The following DCC variants were observed in gnomAD, a reference collection of about 807,000 sequenced individuals.
DCC encodes the protein netrin receptor DCC.
In DCC, 58 loss-of-function variants were observed where a neutral mutation model predicts 172.5. The observed-to-expected ratio is 0.34, with a 90% CI of 0.27 to 0.42. The LOEUF (loss-of-function observed/expected upper bound fraction) is 0.42. DCC is among the 10% of genes least tolerant of loss of function. The pLI, the probability that DCC is intolerant of heterozygous loss-of-function variation, is 1.00. For synonymous variants in DCC, 709 were observed against 644.5 expected, an observed-to-expected ratio of 1.10 and a Z score of -1.52; for missense variants, 1,740 against 1,791.0, an observed-to-expected ratio of 0.97 and a Z score of 0.51.
chr18:52,349,747 A>G (rs890213195), intron 1 of DCC, among the ~76,000 whole-genome samples: 2 of 152,188 alleles, frequency 1.3e-5, no homozygotes, highest in African/African-American at 4.8e-5. Context: ...AATTCGAGCT[A>G]TAAATCACTC....
At chr18:52,505,098 G>A (rs1227787811) in intron 1 of DCC, among the ~76,000 whole-genome samples, 1 of 152,116 alleles carries the variant, frequency 6.6e-6, no homozygotes, top group African/African-American at 2.4e-5. Context: ...GAAGGGAGGG[G>A]AAAGATCAGA....
intron 1 of DCC, among the ~76,000 whole-genome samples, chr18:52,393,541 A>G (rs924400961): frequency 4.6e-5 from 7 of 152,064 alleles, no homozygotes; most frequent in Admixed American, 3.3e-4. Context: ...GGATCCAAGA[A>G]TGTGGTCACC....
chr18:53,123,035 G>A (rs141790077), intron 7 of DCC, among the ~76,000 whole-genome samples: 92 of 152,056 alleles, frequency 6.1e-4, no homozygotes, highest in African/African-American at 2.0e-3. Flanking sequence ...ACAGATCATC[G>A]TGAGCAAAAC....
intron 1 of DCC, among the ~76,000 whole-genome samples, chr18:52,570,232 A>T (rs573184433): frequency 6.6e-6 from 1 of 152,304 alleles, no homozygotes; most frequent in South Asian, 2.1e-4. Flanking sequence ...TGCCTATTGG[A>T]TTATCTGCTG....
At chr18:52,526,528 A>T (rs1221989) in intron 1 of DCC, among the ~76,000 whole-genome samples, 46,978 of 151,496 alleles carry the variant, frequency 0.31, 7,433 homozygotes, top group African/African-American at 0.35. Context: ...GCAGAAACCA[A>T]TAGATTTAAG....
chr18:53,055,931 A>G (rs1599076926), intron 5 of DCC, among the ~76,000 whole-genome samples: 1 of 152,082 alleles, frequency 6.6e-6, no homozygotes, highest in East Asian at 1.9e-4. Context: ...AAGAATAGAA[A>G]CTATCGGGTT....
At chr18:52,572,394 C>T (rs560057721) in intron 1 of DCC, among the ~76,000 whole-genome samples, 81 of 152,242 alleles carry the variant, frequency 5.3e-4, no homozygotes, top group Non-Finnish European at 8.8e-4. Context: ...CCTGCCTAAT[C>T]GAGATTTCAA....
At chr18:52,353,664 T>G (rs1984230804) in intron 1 of DCC, among the ~76,000 whole-genome samples, 1 of 152,210 alleles carries the variant, frequency 6.6e-6, no homozygotes, top group South Asian at 2.1e-4. Flanking sequence ...TGCAGGGTTT[T>G]GAAGCTTTTG....
At chr18:53,014,810 A>G (rs189365779) in intron 5 of DCC, among the ~76,000 whole-genome samples, 2 of 152,266 alleles carry the variant, frequency 1.3e-5, no homozygotes, top group Admixed American at 1.3e-4. Context: ...TGAAGCTGGC[A>G]GGAGGAAATT....
rs1222086354 is a variant in DCC, at chr18:52,761,908, C to CAAAA, written c.412+9548_412+9551dup. On this transcript the variant is annotated intron_variant, in intron 2 of 28. Coordinates refer to ENST00000442544, the MANE Select transcript of DCC (RefSeq NM_005215.4). ...TGGGTGAAAGAGTGAGACTCTGTCT[C>CAAAA]AAAAAAAAAAAAAAAAAGAAAAAAA... 7.7e-4 allele frequency among the ~76,000 whole-genome samples: 37 copies of CAAAA among 48,344 alleles called. 2 individuals carry two copies. The highest frequency in any genetic ancestry group is 2.0e-3 in the African/African-American group (34 of 16,686). The allele number at this position is 48,344 out of a possible 152,430, so 31.7% of individuals were successfully genotyped here. A position where few individuals can be genotyped will look rare whatever the true frequency, so the allele number is the denominator to read the frequency against.
At chr18:53,526,108 G>T (rs1276993622) in intron 27 of DCC, among the ~76,000 whole-genome samples, 1 of 144,990 alleles carries the variant, frequency 6.9e-6, no homozygotes, top group Admixed American at 6.9e-5. Flanking sequence ...TTCCAAAATA[G>T]AATTAAAAAT....
At chr18:52,593,831 G>A (rs1231023963) in intron 1 of DCC, among the ~76,000 whole-genome samples, 4 of 152,180 alleles carry the variant, frequency 2.6e-5, no homozygotes, top group Admixed American at 6.6e-5. Context: ...CCCCTGAGGG[G>A]CAAAATCACC....
intron 1 of DCC, among the ~76,000 whole-genome samples, chr18:52,440,747 A>G (rs1987947461): frequency 6.6e-6 from 1 of 152,230 alleles, no homozygotes; most frequent in Non-Finnish European, 1.5e-5. Context: ...TGTATGGGGA[A>G]ATCAGTCATT....
intron 27 of DCC, among the ~76,000 whole-genome samples, chr18:53,520,224 C>G (rs371178506): frequency 1.8e-4 from 27 of 152,000 alleles, no homozygotes; most frequent in Non-Finnish European, 3.7e-4. Flanking sequence ...AATAGTCACC[C>G]GACAGTAGCA....
At chr18:52,930,342 C>G (rs1290453594) in intron 5 of DCC, among the ~76,000 whole-genome samples, 2 of 151,946 alleles carry the variant, frequency 1.3e-5, no homozygotes, top group Non-Finnish European at 2.9e-5. Flanking sequence ...ACCTGTAGTC[C>G]CAGCTACTCA....
chr18:52,446,983 G>A (rs1988146297), intron 1 of DCC, among the ~76,000 whole-genome samples: 1 of 152,284 alleles, frequency 6.6e-6, no homozygotes, highest in Non-Finnish European at 1.5e-5. Flanking sequence ...CCTCAGTCCT[G>A]TCTGAGCAGT....
intron 7 of DCC, among the ~76,000 whole-genome samples, chr18:53,080,506 C>A (rs2042784726): frequency 6.6e-6 from 1 of 151,982 alleles, no homozygotes; most frequent in African/African-American, 2.4e-5. Flanking sequence ...AAAGGTGAAG[C>A]AAAGGAAGTA....
intron 25 of DCC, among the ~76,000 whole-genome samples, chr18:53,472,194 G>A (rs892647023): frequency 3.9e-5 from 6 of 152,112 alleles, no homozygotes; most frequent in Admixed American, 1.3e-4. Flanking sequence ...AAGCACTATT[G>A]TTATGCGTCT....
chr18:53,227,937 T>A (rs2056059621), intron 12 of DCC, among the ~76,000 whole-genome samples: 1 of 152,190 alleles, frequency 6.6e-6, no homozygotes, highest in South Asian at 2.1e-4. Context: ...ACAAAAGGGA[T>A]TTATATGTCA....
Sources: allele counts gnomAD v4.1 joint callset (sites outside exome capture counted in the v4.1 genomes callset), GRCh38; gene constraint gnomAD v4.1.1; transcripts MANE v1.5; gene names NCBI Gene and HGNC (gene_info 2026-07-23, HGNC 2026-07-21).